Variants in EBF2 observed in about 807,000 individuals in gnomAD.
EBF2 encodes transcription factor COE2.
EBF2 carries 21 observed loss-of-function variants against 72.8 expected under a neutral mutation model. The observed-to-expected ratio is 0.29, with a 90% CI of 0.20 to 0.42. The LOEUF is 0.42. Among genes scored for constraint, EBF2 ranks in the 10% least tolerant of loss-of-function variants. The probability of loss-of-function intolerance (pLI) is 1.00; values close to 1 mark genes in which losing one functional copy is unlikely to be tolerated. For synonymous variants in EBF2, 299 were observed against 274.2 expected, an observed-to-expected ratio of 1.09 and a Z score of -0.89; for missense variants, 637 against 731.2, an observed-to-expected ratio of 0.87 and a Z score of 1.49.
Position 25,954,997 on chromosome 8 carries a change from G to A in EBF2, c.552-46442C>T, listed in dbSNP as rs139629304. On this transcript the variant is annotated intron_variant, in intron 6 of 15. Transcript: ENST00000520164. ...ACTCAGACGCAGCGCGCCAGGTTGT[G>A]CAGCCGCTGTAAACAAGGCGCCCAG... is the stretch of plus-strand genomic sequence containing the variant. Among the ~76,000 whole-genome samples the A allele has an allele frequency of 5.5e-3, 838 of 152,352 alleles. 7 individuals carry two copies. The highest frequency in any genetic ancestry group is 0.019 in the African/African-American group (790 of 41,590).
At chr8:25,997,571 CAA>C (rs11302993) in intron 6 of EBF2, among the ~76,000 whole-genome samples, 162 of 130,144 alleles carry the variant, frequency 1.2e-3, no homozygotes, top group East Asian at 2.9e-3. Flanking sequence ...GATCCTATCT[CAA>C]AAAAAAAAAA....
At chr8:25,906,795 CAAA>C (rs1243592973) in intron 7 of EBF2, among the ~76,000 whole-genome samples, 1 of 133,718 alleles carries the variant, frequency 7.5e-6, no homozygotes, top group African/African-American at 2.9e-5. Flanking sequence ...AACAAACAAA[CAAA>C]AAAAGGCAGG....
chr8:25,987,726 C>T (rs1804483047), intron 6 of EBF2, among the ~76,000 whole-genome samples: 1 of 152,124 alleles, frequency 6.6e-6, no homozygotes, highest in African/African-American at 2.4e-5. Flanking sequence ...TCTTCTTGAA[C>T]ACAAACTGCA....
At chr8:26,009,349 G>C (rs1804940679) in intron 6 of EBF2, among the ~76,000 whole-genome samples, 1 of 152,114 alleles carries the variant, frequency 6.6e-6, no homozygotes, top group South Asian at 2.1e-4. Context: ...AATTCTTAAA[G>C]CAGATCTATG....
chr8:26,043,068 G>T (rs535793684), intron 1 of EBF2, among the ~76,000 whole-genome samples: 3 of 152,230 alleles, frequency 2.0e-5, no homozygotes, highest in African/African-American at 7.2e-5. Context: ...CTCATGCTGC[G>T]TTTTCTGGCG....
chr8:25,905,093 G>T (rs1803012922), intron 7 of EBF2, among the ~76,000 whole-genome samples: 1 of 152,236 alleles, frequency 6.6e-6, no homozygotes, highest in South Asian at 2.1e-4. Flanking sequence ...CACATGAAAA[G>T]ATGCTCAAAA....
intron 6 of EBF2, among the ~76,000 whole-genome samples, chr8:25,981,602 C>T (rs1804362340): frequency 6.6e-6 from 1 of 152,012 alleles, no homozygotes; most frequent in South Asian, 2.1e-4. Context: ...TTGAGACCAG[C>T]CTGGCCAACG....
chr8:25,903,848 G>A lies in EBF2; in HGVS notation c.633+4626C>T, dbSNP rs189905032. Among the ~76,000 whole-genome samples, 136 of 152,352 alleles carry A rather than the reference G, an allele frequency of 8.9e-4. 1 individual carries two copies. Among genetic ancestry groups the A allele is most frequent in the Non-Finnish European group, 4.4e-4 (30 of 68,034 alleles). On this transcript the variant is annotated intron_variant, in intron 7 of 15. Transcript: ENST00000520164. ...GGGAATGAATCAGGGAACAAGCAGT[G>A]AGTTCTGTTTTGAACACGTGCTCAT...
chr8:26,019,987 G>T (rs1805180192), intron 6 of EBF2, among the ~76,000 whole-genome samples: 1 of 152,138 alleles, frequency 6.6e-6, no homozygotes, highest in Non-Finnish European at 1.5e-5. Flanking sequence ...GGGCTCAAAG[G>T]ATAAGGTGTG....
chr8:25,842,582 T>G lies in EBF2; in HGVS notation c.*2027A>C, dbSNP rs1801760425. 6.6e-6 allele frequency: 1 copy of G among 152,236 alleles called. No homozygotes were observed. Among genetic ancestry groups the G allele is most frequent in the African/African-American group, 2.4e-5 (1 of 41,466 alleles). The allele number at this position is 152,236 out of a possible 1,614,324, so 9.4% of individuals were successfully genotyped here. On this transcript the variant is annotated 3_prime_UTR_variant, in exon 16 of 16. Transcript: ENST00000520164. ...TTCTTCCCCTTCCATCAATCAGGTT[T>G]CTCACTGGGGGACTTTTTCTCTTAT...
intron 6 of EBF2, among the ~76,000 whole-genome samples, chr8:25,912,445 C>T (rs1465349373): frequency 6.3e-5 from 9 of 142,488 alleles, no homozygotes; most frequent in African/African-American, 2.3e-4. Context: ...TAAAAAAACA[C>T]TTCAAAATGG....
chr8:25,906,754 G>A (rs1011042096), intron 7 of EBF2, among the ~76,000 whole-genome samples: 11 of 147,144 alleles, frequency 7.5e-5, no homozygotes, highest in Admixed American at 4.1e-4. Flanking sequence ...GTGACAGAGC[G>A]AGACTCCATC....
At chr8:26,035,529 T>C (rs776254540) in intron 5 of EBF2, among the ~76,000 whole-genome samples, 1 of 152,166 alleles carries the variant, frequency 6.6e-6, no homozygotes, top group African/African-American at 2.4e-5. Context: ...CAAATAAATA[T>C]CTTAAAACTT....
intron 10 of EBF2, among the ~76,000 whole-genome samples, chr8:25,880,415 C>T (rs1802587710): frequency 6.6e-6 from 1 of 152,130 alleles, no homozygotes; most frequent in Admixed American, 6.5e-5. Context: ...AGTTTATATG[C>T]TATGAAATTT....
Position 25,842,269 on chromosome 8 carries a change from T to G in EBF2, c.*2340A>C, listed in dbSNP as rs1481952873. ...ACTAAAAATAATCCTTACACACATT[T>G]GTACAATTAAATAGCTCTGTTGCTG... is the stretch of plus-strand genomic sequence containing the variant. On this transcript the variant is annotated 3_prime_UTR_variant, in exon 16 of 16. Coordinates refer to ENST00000520164, the MANE Select transcript of EBF2 (RefSeq NM_022659.4). 1 of 152,196 alleles carries G rather than the reference T, an allele frequency of 6.6e-6. No homozygotes were observed. The highest frequency in any genetic ancestry group is 1.5e-5 in the Non-Finnish European group (1 of 68,034). The allele number at this position is 152,196 out of a possible 1,614,324, so 9.4% of individuals were successfully genotyped here.
chr8:25,911,595 T>G (rs569855304), intron 6 of EBF2, among the ~76,000 whole-genome samples: 1 of 152,334 alleles, frequency 6.6e-6, no homozygotes, highest in South Asian at 2.1e-4. Flanking sequence ...CCAAGTTACC[T>G]CACATTCATT....
At chr8:26,010,671 C>G (rs1459117092) in intron 6 of EBF2, among the ~76,000 whole-genome samples, 2 of 152,100 alleles carry the variant, frequency 1.3e-5, no homozygotes, top group East Asian at 3.9e-4. Flanking sequence ...CATGACCTTT[C>G]AACTTACAAA....
At chr8:26,002,788 C>T (rs1444543069) in intron 6 of EBF2, among the ~76,000 whole-genome samples, 1 of 152,014 alleles carries the variant, frequency 6.6e-6, no homozygotes, top group African/African-American at 2.4e-5. Context: ...CAGAATGTGG[C>T]TGCTTGTGGT....
chr8:25,887,193 T>C (rs890295314), intron 9 of EBF2, among the ~76,000 whole-genome samples: 4 of 151,962 alleles, frequency 2.6e-5, no homozygotes, highest in Non-Finnish European at 4.4e-5. Flanking sequence ...TCAACCAATG[T>C]AGGTCCTTTA....
Sources: allele counts gnomAD v4.1 joint callset (sites outside exome capture counted in the v4.1 genomes callset), GRCh38; gene constraint gnomAD v4.1.1; transcripts MANE v1.5; gene names NCBI Gene and HGNC (gene_info 2026-07-23, HGNC 2026-07-21).